The following STXBP5L variants were observed in gnomAD, a reference collection of about 807,000 sequenced individuals.
STXBP5L encodes the protein syntaxin-binding protein 5-like.
Under a neutral mutation model 144.5 loss-of-function variants are expected in STXBP5L, and 65 were observed. That is an observed-to-expected ratio of 0.45 (90% CI 0.37 to 0.55). The LOEUF (loss-of-function observed/expected upper bound fraction) is 0.55. Among genes scored for constraint, STXBP5L ranks in the 20% least tolerant of loss-of-function variants. The probability of loss-of-function intolerance (pLI) is 0.00; values close to 1 mark genes in which losing one functional copy is unlikely to be tolerated. For synonymous variants in STXBP5L, 505 were observed against 469.6 expected (o/e 1.08, Z -0.97); for missense variants, 1,298 against 1,405.5 (o/e 0.92, Z 1.22).
chr3:121,017,282 G>C (rs535044651), intron 3 of STXBP5L, among the ~76,000 whole-genome samples: 1 of 152,250 alleles, frequency 6.6e-6, no homozygotes, highest in South Asian at 2.1e-4. Flanking sequence ...GAATGGAAGG[G>C]AACTTCTTCA....
chr3:121,313,374 G>A lies in STXBP5L; in HGVS notation c.2111-5101G>A, dbSNP rs1266753385. On this transcript the variant is annotated intron_variant, in intron 19 of 26. Transcript: ENST00000471454. ...CCCCCACCTCCCTCCCGGACTGGGC[G>A]GCTGGCCGGGCGGGGGGCTGACCCC... 9.1e-4 allele frequency among the ~76,000 whole-genome samples: 120 copies of A among 131,580 alleles called. 1 individual carries two copies. The highest frequency in any genetic ancestry group is 2.7e-3 in the African/African-American group (91 of 33,736). 86.3% of individuals were successfully genotyped at this position (131,580 alleles called of 152,430 possible).
At chr3:121,342,351 T>TTTA (rs920631073) in intron 20 of STXBP5L, among the ~76,000 whole-genome samples, 1 of 152,000 alleles carries the variant, frequency 6.6e-6, no homozygotes, top group Non-Finnish European at 1.5e-5. Context: ...ATACTATTTT[T>TTTA]TTATTATTAT....
chr3:121,180,457 C>T (rs1458881077), intron 9 of STXBP5L, among the ~76,000 whole-genome samples: 6 of 152,198 alleles, frequency 3.9e-5, no homozygotes, highest in Admixed American at 3.9e-4. Flanking sequence ...TGAAACAAAA[C>T]CTCAAAATAC....
chr3:121,012,488 C>T (rs928755211), intron 3 of STXBP5L, among the ~76,000 whole-genome samples: 1 of 151,732 alleles, frequency 6.6e-6, no homozygotes, highest in Non-Finnish European at 1.5e-5. Flanking sequence ...TTTACCAACA[C>T]TTGCTATTGT....
intron 20 of STXBP5L, among the ~76,000 whole-genome samples, chr3:121,343,642 T>A (rs908905827): frequency 7.9e-5 from 12 of 152,082 alleles, no homozygotes; most frequent in African/African-American, 2.7e-4. Flanking sequence ...TGAACACCCA[T>A]TCACAATTGC....
At chr3:121,220,040 T>C (rs546564186) in intron 10 of STXBP5L, among the ~76,000 whole-genome samples, 1 of 152,250 alleles carries the variant, frequency 6.6e-6, no homozygotes, top group South Asian at 2.1e-4. Context: ...TAAACACATG[T>C]ATGATTTCTA....
chr3:121,000,994 G>A (rs1181742861), intron 3 of STXBP5L, among the ~76,000 whole-genome samples: 1 of 152,164 alleles, frequency 6.6e-6, no homozygotes, highest in Non-Finnish European at 1.5e-5. Context: ...TACTCAGCCG[G>A]GGTGGCGGGG....
chr3:121,415,841 T>C lies in STXBP5L; in HGVS notation c.3115-16T>C. The C allele has an allele frequency of 6.4e-7, 1 of 1,565,504 alleles. No individual in the cohort carries two copies. The highest frequency in any genetic ancestry group is 8.7e-7 in the Non-Finnish European group (1 of 1,145,748). ...TTTTAGTTGTTCTAATGCTTTTTTCTGTGAATTTGATGCAGGACATGCTAG... is the reference window on the plus strand; with the variant it reads ...TTTTAGTTGTTCTAATGCTTTTTTCCGTGAATTTGATGCAGGACATGCTAG... On this transcript the variant is annotated splice_polypyrimidine_tract_variant and intron_variant, in intron 24 of 26. Transcript: ENST00000471454.
chr3:121,291,380 A>G (rs1213777848), intron 19 of STXBP5L, among the ~76,000 whole-genome samples: 3 of 152,302 alleles, frequency 2.0e-5, no homozygotes, highest in Admixed American at 2.0e-4. Context: ...GGAAAACTAC[A>G]AAACACTGCT....
At chr3:121,050,596 G>A (rs1032270842) in intron 5 of STXBP5L, among the ~76,000 whole-genome samples, 1 of 152,104 alleles carries the variant, frequency 6.6e-6, no homozygotes, top group Non-Finnish European at 1.5e-5. Context: ...ACTAAACATG[G>A]AAAGGAACAA....
intron 20 of STXBP5L, among the ~76,000 whole-genome samples, chr3:121,348,065 G>T (rs947799208): frequency 5.3e-5 from 8 of 152,086 alleles, no homozygotes; most frequent in African/African-American, 1.7e-4. Context: ...TCCAGTTTTT[G>T]CCCATTCAGT....
intron 9 of STXBP5L, among the ~76,000 whole-genome samples, chr3:121,184,789 GA>G (rs2047303767): frequency 6.6e-6 from 1 of 152,064 alleles, no homozygotes; most frequent in Non-Finnish European, 1.5e-5. Context: ...TGAAATGAAA[GA>G]AAAAATGTTA....
In STXBP5L at chr3:121,111,792, C is replaced by T. The variant is rs191093576; in HGVS notation, c.471-3133C>T. The stretch of plus-strand genomic sequence containing the variant: ...TGGTGGGAGGAATCCCACTCATCTG[C>T]ACTTCCCAGGTTCTGCAGAGCCATC... On this transcript the variant is annotated intron_variant, in intron 5 of 26. Coordinates refer to ENST00000471454, the MANE Select transcript of STXBP5L (RefSeq NM_001308330.2). 1.5e-4 allele frequency among the ~76,000 whole-genome samples: 23 copies of T among 152,340 alleles called. 1 individual carries two copies. The East Asian group carries it at 4.4e-3, about 29-fold the overall frequency.
chr3:121,259,162 A>C lies in STXBP5L; in HGVS notation c.1952A>C (p.Tyr651Ser). Residue 651 changes from tyrosine to serine, a missense_variant, in exon 18 of 27, where the codon TAT becomes TCT. By Grantham distance (144) the Tyr-to-Ser change is moderately radical. Coordinates refer to ENST00000471454, the MANE Select transcript of STXBP5L (RefSeq NM_001308330.2). ...QITSLAVSSA[Y>S]GIVAFGNCNG... The stretch of plus-strand genomic sequence containing the variant: ...ACTAGTCTTGCTGTAAGCTCAGCAT[A>C]TGGAATGTAAGTAATTAAACTTTTT... 6.4e-7 allele frequency: 1 copy of C among 1,561,958 alleles called. No individual in the cohort carries two copies. The highest frequency in any genetic ancestry group is 8.7e-7 in the Non-Finnish European group (1 of 1,152,914).
intron 25 of STXBP5L, among the ~76,000 whole-genome samples, chr3:121,418,013 T>C (rs1219328177): frequency 6.6e-6 from 1 of 152,160 alleles, no homozygotes; most frequent in Non-Finnish European, 1.5e-5. Flanking sequence ...GGCCTAAGCT[T>C]GGAACAAACA....
chr3:121,298,610 CATG>C (rs2051756787), intron 19 of STXBP5L, among the ~76,000 whole-genome samples: 1 of 152,124 alleles, frequency 6.6e-6, no homozygotes, highest in Non-Finnish European at 1.5e-5. Flanking sequence ...TATGCTACAA[CATG>C]ATGAGCCTTC....
intron 3 of STXBP5L, among the ~76,000 whole-genome samples, chr3:120,962,834 G>C (rs1939028970): frequency 6.6e-6 from 1 of 152,088 alleles, no homozygotes; most frequent in South Asian, 2.1e-4. Flanking sequence ...AGCTTGATGG[G>C]GATGGCATTG....
chr3:121,187,596 A>G (rs1353798164), intron 9 of STXBP5L, among the ~76,000 whole-genome samples: 15 of 91,860 alleles, frequency 1.6e-4, no homozygotes, highest in Admixed American at 9.3e-4. Context: ...AGAACCATGA[A>G]TGATAAAAAA....
rs1176873929 is a variant in STXBP5L, at chr3:121,423,156, C to T, written c.*4059C>T. 2 of 152,168 alleles carry T rather than the reference C, an allele frequency of 1.3e-5. No homozygotes were observed. The highest frequency in any genetic ancestry group is 2.9e-5 in the Non-Finnish European group (2 of 68,036). The allele number at this position is 152,168 out of a possible 1,614,324, so 9.4% of individuals were successfully genotyped here. A position where few individuals can be genotyped will look rare whatever the true frequency, so the allele number is the denominator to read the frequency against. On this transcript the variant is annotated 3_prime_UTR_variant, in exon 27 of 27. Transcript: ENST00000471454. ...CAGGGCAATGCAAAAGAAGTCAAAACATTCATATCAGGTCTTGGTATCTGT... is the reference window on the plus strand; with the variant it reads ...CAGGGCAATGCAAAAGAAGTCAAAATATTCATATCAGGTCTTGGTATCTGT...
Sources: gnomAD v4.1 joint callset for allele counts (sites outside exome capture counted in the v4.1 genomes callset) on GRCh38, gnomAD v4.1.1 for gene constraint, MANE v1.5 for transcripts, NCBI Gene and HGNC (gene_info 2026-07-23, HGNC 2026-07-21) for gene names.